IL1RAPL2: variants seen among roughly 807,000 people sequenced by gnomAD.
IL1RAPL2 encodes X-linked interleukin-1 receptor accessory protein-like 2.
Under a neutral mutation model 44.1 loss-of-function variants are expected in IL1RAPL2, and 3 were observed. The observed-to-expected ratio is 0.07, with a 90% CI of 0.03 to 0.18. The LOEUF (loss-of-function observed/expected upper bound fraction) is 0.18, where lower values mean the gene tolerates loss of function less well. IL1RAPL2 is among the 10% of genes least tolerant of loss of function. IL1RAPL2 has a pLI of 1.00. For synonymous variants in IL1RAPL2, 181 were observed against 178.8 expected (o/e 1.01, Z -0.10); for missense variants, 391 against 496.4 (o/e 0.79, Z 2.02).
chrX:104,828,117 C>T (rs1357619603), intron 2 of IL1RAPL2, among the ~76,000 whole-genome samples: 4 of 111,740 alleles, frequency 3.6e-5, no homozygotes, highest in Non-Finnish European at 5.6e-5. Context: ...CCTTCTGAAG[C>T]GTACTTCTGT....
Position 104,689,194 on chromosome X carries a change from G to GTA in IL1RAPL2, c.82+30200_82+30201dup, listed in dbSNP as rs1293071761. 8.9e-5 allele frequency among the ~76,000 whole-genome samples: 10 copies of GTA among 112,182 alleles called. No homozygotes were observed. The East Asian group carries it at 2.8e-3, about 32-fold the overall frequency. On this transcript the variant is annotated intron_variant, in intron 2 of 10. Coordinates refer to ENST00000372582, the MANE Select transcript of IL1RAPL2 (RefSeq NM_017416.2). Reference sequence around the variant, plus strand: ...TCATCTGATCTTTCTTGTTACTTATGTAACACATTTTCATTGCTACCAAGC... The same window carrying GTA: ...TCATCTGATCTTTCTTGTTACTTATGTATAACACATTTTCATTGCTACCAAGC...
chrX:105,350,183 A>G (rs1002213877), intron 5 of IL1RAPL2, among the ~76,000 whole-genome samples: 1 of 112,035 alleles, frequency 8.9e-6, no homozygotes, highest in African/African-American at 3.2e-5. Context: ...TAGCTTTGAT[A>G]GTATCATTTC....
At chrX:104,577,988 T>C (rs1928274344) in intron 1 of IL1RAPL2, among the ~76,000 whole-genome samples, 1 of 111,785 alleles carries the variant, frequency 8.9e-6, no homozygotes, top group African/African-American at 3.3e-5. Flanking sequence ...GCTATTTCTG[T>C]CTCCATCTAT....
At chrX:104,875,246 C>T (rs1430806648) in intron 2 of IL1RAPL2, among the ~76,000 whole-genome samples, 2 of 111,209 alleles carry the variant, frequency 1.8e-5, no homozygotes, top group African/African-American at 6.5e-5. Flanking sequence ...GGCTTAGAGA[C>T]ACTACAATCC....
chrX:104,635,248 C>T (rs936330971), intron 1 of IL1RAPL2, among the ~76,000 whole-genome samples: 90 of 111,469 alleles, frequency 8.1e-4, no homozygotes, highest in Non-Finnish European at 1.5e-3. Context: ...GTGGGCAACC[C>T]GACCTTTCTC....
intron 6 of IL1RAPL2, among the ~76,000 whole-genome samples, chrX:105,687,192 A>C (rs929009108): frequency 9.0e-6 from 1 of 110,808 alleles, no homozygotes; most frequent in African/African-American, 3.3e-5. Context: ...ACAAATTCAA[A>C]AGCTAGCAGA....
intron 1 of IL1RAPL2, among the ~76,000 whole-genome samples, chrX:104,571,837 A>G (rs901626844): frequency 8.9e-6 from 1 of 112,038 alleles, no homozygotes; most frequent in African/African-American, 3.2e-5. Context: ...CCTAACCCAG[A>G]GAGTCCATAT....
At chrX:105,148,277 C>A (rs1023531603) in intron 2 of IL1RAPL2, among the ~76,000 whole-genome samples, 1 of 111,206 alleles carries the variant, frequency 9.0e-6, no homozygotes, top group Admixed American at 9.6e-5. Flanking sequence ...ATTCTATATT[C>A]TCAGGAGCCT....
intron 2 of IL1RAPL2, among the ~76,000 whole-genome samples, chrX:104,757,800 T>C (rs1490307651): frequency 8.9e-6 from 1 of 111,911 alleles, no homozygotes; most frequent in Admixed American, 9.5e-5. Flanking sequence ...ATAAATACCA[T>C]TAAGAAAAGA....
chrX:105,457,031 T>TACAC (rs1309092206), intron 5 of IL1RAPL2, among the ~76,000 whole-genome samples: 2 of 71,021 alleles, frequency 2.8e-5, no homozygotes, highest in East Asian at 4.5e-4. Flanking sequence ...TATCTAAAGT[T>TACAC]ATACACACAC....
At chrX:105,388,373 T>C (rs1442135506) in intron 5 of IL1RAPL2, among the ~76,000 whole-genome samples, 2 of 95,692 alleles carry the variant, frequency 2.1e-5, no homozygotes, top group Non-Finnish European at 4.1e-5. Flanking sequence ...TTTTTTTTTT[T>C]TTTTTTTTTT....
intron 2 of IL1RAPL2, among the ~76,000 whole-genome samples, chrX:104,868,663 A>T (rs968113790): frequency 1.2e-4 from 14 of 112,315 alleles, no homozygotes; most frequent in Non-Finnish European, 2.4e-4. Flanking sequence ...TAAATCCAAG[A>T]TCTCCTGTGA....
chrX:104,938,765 G>C (rs899727697), intron 2 of IL1RAPL2, among the ~76,000 whole-genome samples: 2 of 110,927 alleles, frequency 1.8e-5, no homozygotes, highest in African/African-American at 6.5e-5. Flanking sequence ...AGGCATGGGA[G>C]CTGTTGGTTT....
chrX:105,152,783 A>G (rs1187051471), intron 2 of IL1RAPL2, among the ~76,000 whole-genome samples: 1 of 112,081 alleles, frequency 8.9e-6, no homozygotes, highest in Non-Finnish European at 1.9e-5. Flanking sequence ...TGTTATTACC[A>G]GAATGTGCTT....
intron 6 of IL1RAPL2, among the ~76,000 whole-genome samples, chrX:105,575,935 C>CT (rs1006139946): frequency 1.8e-5 from 2 of 111,015 alleles, no homozygotes; most frequent in Non-Finnish European, 3.8e-5. Flanking sequence ...TGATATTAAG[C>CT]TTTTTTTTCA....
chrX:104,993,269 A>T (rs1225840831), intron 2 of IL1RAPL2, among the ~76,000 whole-genome samples: 1 of 111,732 alleles, frequency 8.9e-6, no homozygotes, highest in East Asian at 2.8e-4. Flanking sequence ...TGCCGAATTG[A>T]TCCTTCCATT....
chrX:105,164,166 C>T (rs1266800534), intron 2 of IL1RAPL2, among the ~76,000 whole-genome samples: 4 of 110,616 alleles, frequency 3.6e-5, no homozygotes, highest in African/African-American at 1.3e-4. Flanking sequence ...GCAGATTGCT[C>T]AGTAATCGGG....
chrX:105,219,067 C>A, intron 3 of IL1RAPL2: 1 of 1,210,946 alleles, frequency 8.3e-7, no homozygotes, highest in Non-Finnish European at 1.1e-6. Context: ...GTCCCCTGGC[C>A]TGCGATATAC....
At chrX:105,211,798 T>G (rs1282037604) in intron 3 of IL1RAPL2, among the ~76,000 whole-genome samples, 1 of 110,603 alleles carries the variant, frequency 9.0e-6, no homozygotes, top group African/African-American at 3.3e-5. Flanking sequence ...TCAACAGGAC[T>G]GGTTAGGCAG....
Sources: gnomAD v4.1 joint callset for allele counts (sites outside exome capture counted in the v4.1 genomes callset) on GRCh38, gnomAD v4.1.1 for gene constraint, MANE v1.5 for transcripts, NCBI Gene and HGNC (gene_info 2026-07-23, HGNC 2026-07-21) for gene names.